The following HMGCL variants were observed in gnomAD, a reference collection of about 807,000 sequenced individuals.
HMGCL encodes the protein 3-hydroxy-3-methylglutaryl-CoA lyase, also known as hydroxymethylglutaryl-CoA lyase, mitochondrial.
Under a neutral mutation model 37.3 loss-of-function variants are expected in HMGCL, and 26 were observed. That is an observed-to-expected ratio of 0.70 (90% CI 0.51 to 0.97). The LOEUF (loss-of-function observed/expected upper bound fraction) is 0.97. Ranked by LOEUF, HMGCL falls within the 50% of genes least tolerant of loss-of-function variation. HMGCL has a pLI of 0.00. For synonymous variants in HMGCL, 151 were observed against 148.0 expected (o/e 1.02, Z -0.15); for missense variants, 379 against 398.1 (o/e 0.95, Z 0.41).
chr1:23,824,463 C>T (rs917687874), intron 1 of HMGCL, among the ~76,000 whole-genome samples: 4 of 152,192 alleles, frequency 2.6e-5, no homozygotes, highest in African/African-American at 9.7e-5. Flanking sequence ...TACACATGAG[C>T]AGGTGGTGCA....
At chr1:23,817,032 C>T (rs1381339446) in intron 3 of HMGCL, among the ~76,000 whole-genome samples, 1 of 152,218 alleles carries the variant, frequency 6.6e-6, no homozygotes, top group African/African-American at 2.4e-5. Flanking sequence ...AGGAATACTA[C>T]TACCAGCCAT....
intron 8 of HMGCL, chr1:23,804,088 A>G: frequency 2.7e-6 from 1 of 365,262 alleles, no homozygotes; most frequent in South Asian, 2.8e-5. Flanking sequence ...TCAAATATCC[A>G]TAATCCCCAA....
chr1:23,816,286 G>C (rs918072625), intron 4 of HMGCL: 1 of 309,842 alleles, frequency 3.2e-6, no homozygotes, highest in South Asian at 3.0e-5. Context: ...GTCTAAAATT[G>C]TAAGAAAGTT....
intron 4 of HMGCL, among the ~76,000 whole-genome samples, chr1:23,815,036 T>C (rs1372886566): frequency 6.6e-6 from 1 of 151,612 alleles, no homozygotes; most frequent in Non-Finnish European, 1.5e-5. Context: ...TGAAACCCCA[T>C]CTCTACTAAA....
At chr1:23,809,648 G>A (rs1638484160) in intron 6 of HMGCL, 1 of 152,102 alleles carries the variant, frequency 6.6e-6, no homozygotes, top group Non-Finnish European at 1.5e-5. Context: ...GGTCCAATAT[G>A]GGTCCAATTG....
intron 6 of HMGCL, 113 bp from the exon 7 acceptor site, chr1:23,808,436 A>G (rs1638453194): frequency 9.5e-6 from 8 of 841,328 alleles, no homozygotes; most frequent in South Asian, 1.3e-5. Context: ...TGACGCACTC[A>G]GTTCCTACTG....
At chr1:23,815,922 G>C (rs1381976140) in intron 4 of HMGCL, among the ~76,000 whole-genome samples, 1 of 149,450 alleles carries the variant, frequency 6.7e-6, no homozygotes, top group East Asian at 2.0e-4. Context: ...AGTCACTCTT[G>C]AGAAAAAGCT....
rs1557486910 is a variant in HMGCL at position 23,806,364 on chromosome 1, CG to C, written c.750+1770del. On this transcript the variant is annotated intron_variant, in intron 7 of 8. Transcript: ENST00000374490. The surrounding 1 kb of genome is among the most constrained non-coding windows in gnomAD (Gnocchi z 4.0). ...AAGAGTCAAAGTCCTACAAGGCCCC[CG>C]ATCTGGCCTTCCTCTAACCCTGACA... 6.6e-6 allele frequency among the ~76,000 whole-genome samples: 1 copy of C among 152,190 alleles called. No homozygotes were observed. The highest frequency in any genetic ancestry group is 1.5e-5 in the Non-Finnish European group (1 of 68,026).
chr1:23,824,226 C>T (rs916845005), intron 1 of HMGCL, among the ~76,000 whole-genome samples: 1 of 152,156 alleles, frequency 6.6e-6, no homozygotes, highest in Non-Finnish European at 1.5e-5. Flanking sequence ...CTATTATTAT[C>T]CCAACTCCGT....
chr1:23,822,831 G>C (rs1425088920), intron 1 of HMGCL, among the ~76,000 whole-genome samples: 1 of 152,172 alleles, frequency 6.6e-6, no homozygotes, highest in South Asian at 2.1e-4. Flanking sequence ...AAGGCCCTGG[G>C]ACATAATAGG....
intron 1 of HMGCL, among the ~76,000 whole-genome samples, chr1:23,822,711 T>C (rs1638742888): frequency 6.6e-6 from 1 of 152,154 alleles, no homozygotes. Flanking sequence ...AACTTGAATC[T>C]CCCTCCAACA....
intron 2 of HMGCL, among the ~76,000 whole-genome samples, 169 bp from the exon 3 acceptor site, chr1:23,817,752 C>A (rs1458687500): frequency 6.6e-6 from 1 of 152,184 alleles, no homozygotes; most frequent in Non-Finnish European, 1.5e-5. Context: ...CAGGCTTTCC[C>A]GTAAGTAAAT....
intron 4 of HMGCL, among the ~76,000 whole-genome samples, chr1:23,816,088 A>ATT (rs35297134): frequency 1.4e-3 from 183 of 130,456 alleles, no homozygotes; most frequent in East Asian, 5.6e-3. Context: ...CAGCTAATTG[A>ATT]TTTTTTTTTT....
At chr1:23,810,556 A>G (rs1333516961) in intron 6 of HMGCL, 180 bp downstream of exon 6, 2 of 640,234 alleles carry the variant, frequency 3.1e-6, no homozygotes, top group Non-Finnish European at 5.8e-6. Context: ...TTCGGCTAGG[A>G]GGGGGGCCTC....
chr1:23,822,405 C>CT (rs988900746), intron 1 of HMGCL, among the ~76,000 whole-genome samples: 17 of 151,884 alleles, frequency 1.1e-4, no homozygotes, highest in South Asian at 2.1e-4. Context: ...TAACACAATA[C>CT]TTTTTTTTTC....
Position 23,819,804 on chromosome 1 carries a change from G to A in HMGCL, c.144+706C>T, listed in dbSNP as rs185651660. ...TTTGTTTTTGTTTGGAGACAGAATC[G>A]TGCTCTGCCTCAGCCTCCTGAAGTG... On this transcript the variant is annotated intron_variant, in intron 2 of 8. Transcript: ENST00000374490. Among the ~76,000 whole-genome samples the A allele has an allele frequency of 1.4e-4, 22 of 152,224 alleles. 1 individual carries two copies. In the East Asian group the frequency reaches 2.5e-3, roughly 17 times the overall value.
Position 23,810,688 on chromosome 1 carries a change from A to C in HMGCL, c.561+48T>G, listed in dbSNP as rs375784925. The C allele has an allele frequency of 4.6e-5, 70 of 1,535,410 alleles. No homozygotes were observed. In the Middle Eastern group the frequency reaches 1.5e-3, roughly 34 times the overall value. ...GGAACCTATGCGCTCAGGGGCAGACAAGGTGGCCAACCCTCACCAAACCCC... is the reference window on the plus strand; with the variant it reads ...GGAACCTATGCGCTCAGGGGCAGACCAGGTGGCCAACCCTCACCAAACCCC... On this transcript the variant is annotated intron_variant, in intron 6 of 8. Transcript: ENST00000374490.
intron 8 of HMGCL, chr1:23,803,535 CA>C (rs1434763791): frequency 6.6e-6 from 1 of 152,252 alleles, no homozygotes. Context: ...AGTGTTTCAC[CA>C]TATTGGCCAG....
chr1:23,815,394 A>G (rs917121904), intron 4 of HMGCL, among the ~76,000 whole-genome samples: 3 of 152,016 alleles, frequency 2.0e-5, no homozygotes, highest in Non-Finnish European at 2.9e-5. Flanking sequence ...GAAGGAACCA[A>G]TCCTGCTGAC....
Sources: gnomAD v4.1 joint callset for allele counts (sites outside exome capture counted in the v4.1 genomes callset) on GRCh38, gnomAD v4.1.1 for gene constraint, Gnocchi (gnomAD v3.1) non-coding constraint, MANE v1.5 for transcripts, NCBI Gene and HGNC (gene_info 2026-07-23, HGNC 2026-07-21) for gene names.